Variants in NPAS3 observed in about 807,000 individuals in gnomAD.
NPAS3 encodes the protein neuronal PAS domain protein 3.
A neutral mutation model predicts 73.1 loss-of-function variants in NPAS3; 14 were observed. That is an observed-to-expected ratio of 0.19 (90% CI 0.13 to 0.30). NPAS3 has a LOEUF of 0.30. NPAS3 is among the 10% of genes least tolerant of loss of function. NPAS3 has a pLI of 1.00. For missense variants in NPAS3, 1,096 were observed against 1,250.0 expected (o/e 0.88, Z 1.86); for synonymous variants, 620 against 541.5 (o/e 1.14, Z -2.01).
intron 3 of NPAS3, among the ~76,000 whole-genome samples, chr14:33,232,971 C>T (rs1012765410): frequency 2.0e-5 from 3 of 152,030 alleles, no homozygotes; most frequent in African/African-American, 4.8e-5. Context: ...CCACTTATAC[C>T]CCATATGTAT....
At chr14:33,019,922 CTT>C (rs1210405476) in intron 1 of NPAS3, among the ~76,000 whole-genome samples, 2 of 152,122 alleles carry the variant, frequency 1.3e-5, no homozygotes, top group Admixed American at 6.6e-5. Context: ...CATATAGAAA[CTT>C]CTTTTGCTTT....
At chr14:33,757,920 T>G (rs1449329856) in intron 7 of NPAS3, among the ~76,000 whole-genome samples, 1 of 152,178 alleles carries the variant, frequency 6.6e-6, no homozygotes, top group Non-Finnish European at 1.5e-5. Context: ...ATCACACACT[T>G]GTCAGGTCAA....
rs561572218 is a variant in NPAS3 at position 33,042,738 on chromosome 14, G to A, written c.51-13167G>A. ...CTATTTCTGTTAAAAGTTTTTCCAT[G>A]AAAAGAGTAAATCTTGGCTACAATT... On this transcript the variant is annotated intron_variant, in intron 1 of 11. Transcript: ENST00000356141. Among the ~76,000 whole-genome samples, 6 of 152,240 alleles carry A rather than the reference G, an allele frequency of 3.9e-5. No homozygotes were observed. The East Asian group carries it at 1.2e-3, about 29-fold the overall frequency.
intron 7 of NPAS3, among the ~76,000 whole-genome samples, chr14:33,772,431 A>G (rs965709573): frequency 6.6e-6 from 1 of 152,226 alleles, no homozygotes; most frequent in African/African-American, 2.4e-5. Flanking sequence ...ACATGCTGAC[A>G]GCTCCCTCCC....
intron 4 of NPAS3, among the ~76,000 whole-genome samples, chr14:33,550,070 A>G (rs536024820): frequency 1.1e-4 from 17 of 152,282 alleles, no homozygotes; most frequent in Admixed American, 1.0e-3. Flanking sequence ...AAGATTACCA[A>G]CACCAAAAAC....
chr14:33,156,557 C>T (rs1316789621), intron 2 of NPAS3, among the ~76,000 whole-genome samples: 5 of 152,104 alleles, frequency 3.3e-5, no homozygotes, highest in African/African-American at 7.2e-5. Context: ...AATCATTTAA[C>T]ATTTTAAATT....
At chr14:33,498,937 T>TGC (rs1380966399) in intron 4 of NPAS3, among the ~76,000 whole-genome samples, 1 of 36,812 alleles carries the variant, frequency 2.7e-5, no homozygotes, top group African/African-American at 1.7e-4. Flanking sequence ...AGAGAGAGAG[T>TGC]GTGTGTGTGT....
chr14:33,715,490 TG>T (rs2060932316), intron 6 of NPAS3, among the ~76,000 whole-genome samples: 1 of 152,116 alleles, frequency 6.6e-6, no homozygotes, highest in Non-Finnish European at 1.5e-5. Context: ...ACTCTGTTCC[TG>T]GGGAACAGGA....
At chr14:33,370,011 T>C (rs2046016437) in intron 4 of NPAS3, among the ~76,000 whole-genome samples, 1 of 152,156 alleles carries the variant, frequency 6.6e-6, no homozygotes, top group Non-Finnish European at 1.5e-5. Flanking sequence ...TCTTTCTTCA[T>C]TTGCAAATAG....
chr14:33,278,486 A>C (rs1221423270), intron 3 of NPAS3, among the ~76,000 whole-genome samples: 1 of 147,794 alleles, frequency 6.8e-6, no homozygotes, highest in Non-Finnish European at 1.5e-5. Flanking sequence ...GGAAGATTTC[A>C]GAGTCCTAGA....
chr14:33,651,257 A>C (rs1472957717), intron 5 of NPAS3, among the ~76,000 whole-genome samples: 1 of 152,160 alleles, frequency 6.6e-6, no homozygotes, highest in Non-Finnish European at 1.5e-5. Flanking sequence ...GCCACTCTGC[A>C]TCAGTTAGTT....
chr14:33,711,447 A>G (rs1264951493), intron 6 of NPAS3, among the ~76,000 whole-genome samples: 1 of 152,194 alleles, frequency 6.6e-6, no homozygotes, highest in Non-Finnish European at 1.5e-5. Flanking sequence ...CCTGGGTGAC[A>G]GAGAGACCGG....
chr14:33,787,093 T>A (rs1226309179), intron 9 of NPAS3, among the ~76,000 whole-genome samples: 1 of 152,158 alleles, frequency 6.6e-6, no homozygotes, highest in East Asian at 1.9e-4. Flanking sequence ...TACTCTATCC[T>A]TAACTATTTT....
chr14:33,217,000 T>A (rs949189600), intron 3 of NPAS3, among the ~76,000 whole-genome samples: 5 of 152,138 alleles, frequency 3.3e-5, no homozygotes, highest in African/African-American at 1.2e-4. Flanking sequence ...CGAGAATGGA[T>A]AAACAAAAAA....
intron 1 of NPAS3, among the ~76,000 whole-genome samples, chr14:33,020,914 C>G (rs1201016065): frequency 6.6e-6 from 1 of 152,094 alleles, no homozygotes; most frequent in Non-Finnish European, 1.5e-5. Context: ...GTGCGTGCCA[C>G]CACGCCCAGG....
At chr14:33,706,381 T>A (rs1401372269) in intron 6 of NPAS3, among the ~76,000 whole-genome samples, 1 of 152,142 alleles carries the variant, frequency 6.6e-6, no homozygotes, top group Non-Finnish European at 1.5e-5. Flanking sequence ...CAGAGGAAAC[T>A]GAAAATCAGA....
At chr14:33,554,418 T>C (rs771309254) in intron 4 of NPAS3, among the ~76,000 whole-genome samples, 1 of 152,224 alleles carries the variant, frequency 6.6e-6, no homozygotes, top group Non-Finnish European at 1.5e-5. Context: ...ACATCACAGA[T>C]GCATGGCACA....
chr14:33,103,762 C>T (rs1195379030), intron 2 of NPAS3, among the ~76,000 whole-genome samples: 1 of 152,052 alleles, frequency 6.6e-6, no homozygotes, highest in African/African-American at 2.4e-5. Context: ...TGCAGAAGCA[C>T]AGGATGACTT....
At chr14:33,177,963 A>G (rs190890206) in intron 2 of NPAS3, among the ~76,000 whole-genome samples, 158 of 152,116 alleles carry the variant, frequency 1.0e-3, no homozygotes, top group Middle Eastern at 3.4e-3. Context: ...CTTTTTCAAG[A>G]CTGCTTTGGC....
Sources: allele counts gnomAD v4.1 joint callset (sites outside exome capture counted in the v4.1 genomes callset), GRCh38; gene constraint gnomAD v4.1.1; transcripts MANE v1.5; gene names NCBI Gene and HGNC (gene_info 2026-07-23, HGNC 2026-07-21).